GK5: variants seen among roughly 807,000 people sequenced by gnomAD.
GK5 encodes glycerol kinase 5, also known as ATP:glycerol 3-phosphotransferase 5.
GK5 carries 39 observed loss-of-function variants against 77.3 expected under a neutral mutation model. That is an observed-to-expected ratio of 0.50 (90% CI 0.39 to 0.66). GK5 has a LOEUF of 0.66. GK5 is among the 30% of genes least tolerant of loss of function. The probability of loss-of-function intolerance (pLI) is 0.00; values close to 1 mark genes in which losing one functional copy is unlikely to be tolerated. For missense variants in GK5, 487 were observed against 633.8 expected (o/e 0.77, Z 2.49); for synonymous variants, 211 against 208.0 (o/e 1.01, Z -0.13).
At chr3:142,173,291 C>A in intron 12 of GK5, 1 of 357,482 alleles carries the variant, frequency 2.8e-6, no homozygotes, top group Non-Finnish European at 5.5e-6. Flanking sequence ...AACATGTTCT[C>A]AAAAGAGCCA....
intron 4 of GK5, among the ~76,000 whole-genome samples, chr3:142,202,763 C>G: frequency 6.6e-6 from 1 of 152,116 alleles, no homozygotes; most frequent in South Asian, 2.1e-4. Context: ...TCAAGACCAA[C>G]CTGACCAACA....
rs1409226135 is a variant in GK5, at chr3:142,225,524, G to A, written c.-69C>T. On this transcript the variant is annotated 5_prime_UTR_variant, in exon 1 of 16. Transcript: ENST00000392993. ...GCGCGCTACAAATCCCAATGCTCCA[G>A]AGTCCCCGGGCGGCCCAACCCGGGC... 2.0e-6 allele frequency: 3 copies of A among 1,537,128 alleles called. No homozygotes were observed. Among genetic ancestry groups the A allele is most frequent in the African/African-American group, 2.8e-5 (2 of 71,166 alleles).
At chr3:142,178,499 G>C (rs974004038) in intron 11 of GK5, among the ~76,000 whole-genome samples, 1 of 152,192 alleles carries the variant, frequency 6.6e-6, no homozygotes, top group Admixed American at 6.5e-5. Context: ...TTCACAGTGT[G>C]AATACATCCA....
At chr3:142,183,170 T>A in intron 9 of GK5, 121 bp from the exon 10 acceptor site, 2 of 885,900 alleles carry the variant, frequency 2.3e-6, no homozygotes, top group Non-Finnish European at 3.3e-6. Flanking sequence ...TCCTTTTCCT[T>A]AAAATTAAAA....
In GK5 at chr3:142,171,409, C is replaced by G. The variant is rs1327328847; in HGVS notation, c.1307+10G>C. ...TCTAATTAAGTCTATTAGAAATAAA[C>G]TTTACATACCGGATTTTTCTTACAG... On this transcript the variant is annotated intron_variant, in intron 14 of 15. Coordinates refer to ENST00000392993, the MANE Select transcript of GK5 (RefSeq NM_001039547.3). The G allele has an allele frequency of 3.4e-6, 5 of 1,477,418 alleles. No homozygotes were observed. The highest frequency in any genetic ancestry group is 4.4e-5 in the Admixed American group (2 of 44,974). 91.5% of individuals were successfully genotyped at this position (1,477,418 alleles called of 1,614,324 possible).
intron 4 of GK5, among the ~76,000 whole-genome samples, chr3:142,202,101 CA>C (rs1032880281): frequency 6.6e-6 from 1 of 152,088 alleles, no homozygotes; most frequent in African/African-American, 2.4e-5. Context: ...AGAACAAAAA[CA>C]GGCTGAAAAA....
rs1182090031 is a variant in GK5, at chr3:142,189,927, C to T, written c.544-2148G>A. ...TTTTACAAATATAATATCAAGGTCA[C>T]ATATATACACATATATACAAATAAG... On this transcript the variant is annotated intron_variant, in intron 5 of 15. Transcript: ENST00000392993. 1.1e-4 allele frequency among the ~76,000 whole-genome samples: 17 copies of T among 152,060 alleles called. No individual in the cohort carries two copies. In the South Asian group the frequency reaches 3.3e-3, roughly 30 times the overall value.
Position 142,176,402 on chromosome 3 carries a change from G to T in GK5, c.1143+1080C>A, listed in dbSNP as rs75517441. ...AATATTTGGAGGAGGATTAAAAATA[G>T]TATGAGCTTTCCCAAAAAAAAGTTT... On this transcript the variant is annotated intron_variant, in intron 12 of 15. Transcript: ENST00000392993. Among the ~76,000 whole-genome samples, 1,475 of 152,012 alleles carry T rather than the reference G, an allele frequency of 9.7e-3. 23 individuals carry two copies. The highest frequency in any genetic ancestry group is 0.033 in the African/African-American group (1,370 of 41,464).
At chr3:142,210,996 A>C (rs1414281990) in intron 3 of GK5, among the ~76,000 whole-genome samples, 1 of 152,176 alleles carries the variant, frequency 6.6e-6, no homozygotes, top group Non-Finnish European at 1.5e-5. Flanking sequence ...TTCTTCCCTG[A>C]CTCACTTTAA....
At chr3:142,210,060 A>G (rs1307017533) in intron 3 of GK5, among the ~76,000 whole-genome samples, 1 of 152,156 alleles carries the variant, frequency 6.6e-6, no homozygotes, top group Admixed American at 6.5e-5. Flanking sequence ...AATATATTGG[A>G]AAAAAAGCTT....
At chr3:142,212,441 C>T (rs947365767) in intron 3 of GK5, among the ~76,000 whole-genome samples, 13 of 151,840 alleles carry the variant, frequency 8.6e-5, no homozygotes, top group Admixed American at 4.6e-4. Flanking sequence ...GAGGCTAAGG[C>T]GGGAGGATTA....
intron 10 of GK5, among the ~76,000 whole-genome samples, chr3:142,182,141 T>C (rs1412888639): frequency 1.3e-5 from 2 of 152,156 alleles, no homozygotes; most frequent in Non-Finnish European, 2.9e-5. Context: ...AGTAACCATG[T>C]TATGGAAACA....
intron 11 of GK5, among the ~76,000 whole-genome samples, chr3:142,178,302 A>C (rs1376275882): frequency 1.3e-5 from 2 of 152,212 alleles, no homozygotes. Context: ...ATACCCAAGA[A>C]AATTAACTGA....
chr3:142,170,042 A>G, intron 15 of GK5: 1 of 472,584 alleles, frequency 2.1e-6, no homozygotes, highest in South Asian at 2.1e-5. Context: ...CAGAAAGTTT[A>G]CCCAGAGACT....
At chr3:142,167,065 C>T (rs2063480053) in intron 15 of GK5, among the ~76,000 whole-genome samples, 1 of 152,060 alleles carries the variant, frequency 6.6e-6, no homozygotes, top group African/African-American at 2.4e-5. Context: ...ACATTTTAGA[C>T]CATCTATGTT....
intron 15 of GK5, among the ~76,000 whole-genome samples, chr3:142,169,966 C>T (rs866922830): frequency 3.3e-5 from 5 of 152,210 alleles, no homozygotes; most frequent in Non-Finnish European, 5.9e-5. Flanking sequence ...AGCCACTGCA[C>T]CTGGCTCACC....
intron 12 of GK5, among the ~76,000 whole-genome samples, chr3:142,174,846 C>T (rs1202202181): frequency 1.3e-5 from 2 of 151,960 alleles, no homozygotes; most frequent in Non-Finnish European, 2.9e-5. Flanking sequence ...CCAGGAAACC[C>T]GAAGAAAAAG....
At chr3:142,183,218 G>A (rs1161349471) in intron 9 of GK5, 169 bp from the exon 10 acceptor site, 2 of 574,374 alleles carry the variant, frequency 3.5e-6, no homozygotes, top group Non-Finnish European at 6.1e-6. Flanking sequence ...AACAACCATA[G>A]GATAGGAGTC....
chr3:142,224,859 AG>A (rs2064404985), intron 1 of GK5, among the ~76,000 whole-genome samples: 1 of 152,204 alleles, frequency 6.6e-6, no homozygotes, highest in African/African-American at 2.4e-5. Context: ...AAAGAAAAAA[AG>A]TTTTGAAAAA....
Sources: allele counts gnomAD v4.1 joint callset (sites outside exome capture counted in the v4.1 genomes callset), GRCh38; gene constraint gnomAD v4.1.1; transcripts MANE v1.5; gene names NCBI Gene and HGNC (gene_info 2026-07-23, HGNC 2026-07-21).